EVI5L: variants seen among roughly 807,000 people sequenced by gnomAD.
EVI5L encodes ecotropic viral integration site 5 like.
EVI5L carries 30 observed loss-of-function variants against 106.1 expected under a neutral mutation model. The ratio of observed to expected loss-of-function variants is 0.28; its 90% CI spans 0.21 to 0.38. EVI5L has a LOEUF of 0.38. EVI5L is among the 10% of genes least tolerant of loss of function. The pLI is 1.00. For missense variants in EVI5L, 809 were observed against 1,098.0 expected, an observed-to-expected ratio of 0.74 and a Z score of 3.72; for synonymous variants, 489 against 483.3, an observed-to-expected ratio of 1.01 and a Z score of -0.15.
In EVI5L at chr19:7,857,001, C is replaced by A; in HGVS notation, c.1201-91C>A. ...TAGAGATAGTCCACTGCGTTAGTGA[C>A]AAGTGGTTCTTGTCTGTCTCCCCTC... On this transcript the variant is annotated intron_variant, in intron 11 of 19. Transcript: ENST00000538904. The surrounding 1 kb of genome is among the most constrained non-coding windows in gnomAD (Gnocchi z 4.5). 7.5e-7 allele frequency: 1 copy of A among 1,336,552 alleles called. No individual in the cohort carries two copies. Among genetic ancestry groups the A allele is most frequent in the Non-Finnish European group, 1.1e-6 (1 of 951,822 alleles). 82.8% of individuals were successfully genotyped at this position (1,336,552 alleles called of 1,614,324 possible). A position where few individuals can be genotyped will look rare whatever the true frequency, so the allele number is the denominator to read the frequency against.
chr19:7,844,331 CAAAAAAA>C (rs71179149), intron 1 of EVI5L, among the ~76,000 whole-genome samples: 2 of 132,444 alleles, frequency 1.5e-5, no homozygotes, highest in African/African-American at 2.9e-5. Flanking sequence ...GACTCCGTCT[CAAAAAAA>C]AAAAAAAAAA....
rs202079714 is a variant in EVI5L, at chr19:7,851,671, G to A, written c.898-10G>A. On this transcript the variant is annotated splice_polypyrimidine_tract_variant and intron_variant, in intron 7 of 19. Coordinates refer to ENST00000538904, the MANE Select transcript of EVI5L (RefSeq NM_001159944.3). ...CCCTCCACCTCCCACTGCCTTTGCC[G>A]CCTTTGCAGGGGCTGGAGATCGTGT... 183 of 1,584,184 alleles carry A rather than the reference G, an allele frequency of 1.2e-4. No homozygotes were observed. In the East Asian group the frequency reaches 2.4e-3, roughly 21 times the overall value.
intron 10 of EVI5L, among the ~76,000 whole-genome samples, chr19:7,854,201 G>A (rs1174121916): frequency 6.7e-6 from 1 of 148,680 alleles, no homozygotes; most frequent in Non-Finnish European, 1.5e-5. Context: ...AAAATCACTT[G>A]AACCCGGGAG....
chr19:7,852,567 T>C (rs1979307959), intron 8 of EVI5L, among the ~76,000 whole-genome samples: 1 of 151,976 alleles, frequency 6.6e-6, no homozygotes, highest in Middle Eastern at 3.2e-3. Context: ...TTTCTTTTTT[T>C]TTTTAAGTCG....
chr19:7,862,042 G>A (rs897250316), intron 15 of EVI5L, 24 bp downstream of exon 15: 5 of 1,538,866 alleles, frequency 3.2e-6, no homozygotes, highest in Non-Finnish European at 4.4e-6. Context: ...GGGCGCCGGC[G>A]GGCAGAGCGC....
At chr19:7,852,981 C>T (rs1449770206) in intron 8 of EVI5L, 105 bp from the exon 9 acceptor site, 12 of 1,075,254 alleles carry the variant, frequency 1.1e-5, no homozygotes, top group Admixed American at 3.8e-5. Flanking sequence ...GGCGACACCC[C>T]GGGCAGACCC....
intron 8 of EVI5L, chr19:7,852,657 T>C: frequency 4.9e-6 from 1 of 205,164 alleles, no homozygotes; most frequent in Non-Finnish European, 9.9e-6. Flanking sequence ...GCTGAAGCGA[T>C]CCTCCCGCCT....
At chr19:7,842,540 TATC>T (rs2146417577) in intron 1 of EVI5L, among the ~76,000 whole-genome samples, 1 of 149,038 alleles carries the variant, frequency 6.7e-6, no homozygotes, top group East Asian at 2.0e-4. Flanking sequence ...AATTGGGGTG[TATC>T]AAGTGTGTGT....
At chr19:7,843,393 A>ATGTGTGTG (rs1359158689) in intron 1 of EVI5L, among the ~76,000 whole-genome samples, 9 of 15,468 alleles carry the variant, frequency 5.8e-4, no homozygotes, top group South Asian at 3.5e-3. Context: ...GAGTGTGTGC[A>ATGTGTGTG]TAGGTGTGTG....
chr19:7,855,866 G>A (rs777246483), intron 10 of EVI5L, 149 bp from the exon 11 acceptor site: 4 of 560,618 alleles, frequency 7.1e-6, no homozygotes, highest in South Asian at 9.2e-5. Context: ...TTCTGAAATC[G>A]CTGACCCAGA....
At chr19:7,855,793 A>G (rs1405379047) in intron 10 of EVI5L, among the ~76,000 whole-genome samples, 1 of 152,198 alleles carries the variant, frequency 6.6e-6, no homozygotes, top group African/African-American at 2.4e-5. Context: ...TACTGAACCC[A>G]GGTTTGTTTT....
chr19:7,833,155 G>A (rs996096341), intron 1 of EVI5L, among the ~76,000 whole-genome samples: 7 of 152,218 alleles, frequency 4.6e-5, no homozygotes, highest in Admixed American at 4.6e-4. Context: ...CTTTGTTTGA[G>A]CTTTGAGGGG....
chr19:7,830,806 C>A (rs1178369451), intron 1 of EVI5L, among the ~76,000 whole-genome samples: 1 of 145,442 alleles, frequency 6.9e-6, no homozygotes, highest in Admixed American at 6.8e-5. Flanking sequence ...AGGACCCCTC[C>A]CTTCTGGACA....
intron 17 of EVI5L, 43 bp downstream of exon 17, chr19:7,862,577 C>T: frequency 1.5e-6 from 2 of 1,372,086 alleles, no homozygotes; most frequent in East Asian, 3.0e-5. Flanking sequence ...GCACCGCCCC[C>T]GGACGCGCCC....
rs1599567592 is a variant in EVI5L at position 7,846,689 on chromosome 19, G to A, written c.137+10G>A. 49 of 1,609,998 alleles carry A rather than the reference G, an allele frequency of 3.0e-5. No individual in the cohort carries two copies. The East Asian group carries it at 1.1e-3, about 35-fold the overall frequency. On this transcript the variant is annotated intron_variant, in intron 2 of 19. Transcript: ENST00000538904. ...TCGAAGAGCAGAACCGGTGAGTTGGGGGCTGGGGGATGGGGTGAAATCTTG... is the reference window on the plus strand; with the variant it reads ...TCGAAGAGCAGAACCGGTGAGTTGGAGGCTGGGGGATGGGGTGAAATCTTG...
At chr19:7,860,189 C>T (rs1220643610) in intron 13 of EVI5L, among the ~76,000 whole-genome samples, 2 of 152,208 alleles carry the variant, frequency 1.3e-5, no homozygotes, top group Non-Finnish European at 2.9e-5. Context: ...AGGCCTCTCC[C>T]CCACCCCCTG....
chr19:7,856,007 C>T lies in EVI5L; in HGVS notation c.1147-8C>T, dbSNP rs913308325. 1 of 1,326,406 alleles carries T rather than the reference C, an allele frequency of 7.5e-7. No individual in the cohort carries two copies. The highest frequency in any genetic ancestry group is 9.7e-7 in the Non-Finnish European group (1 of 1,028,506). 82.2% of individuals were successfully genotyped at this position (1,326,406 alleles called of 1,614,324 possible). On this transcript the variant is annotated splice_polypyrimidine_tract_variant and splice_region_variant and intron_variant, in intron 10 of 19. Coordinates refer to ENST00000538904, the MANE Select transcript of EVI5L (RefSeq NM_001159944.3). The surrounding 1 kb of genome is among the most constrained non-coding windows in gnomAD (Gnocchi z 6.6). ...GGGCTATGACGTGATCTCCCCCCAC[C>T]CCCATAGAGACTTCGGACGGAGAAC... is the stretch of plus-strand genomic sequence containing the variant.
intron 10 of EVI5L, among the ~76,000 whole-genome samples, chr19:7,854,274 T>A: frequency 1.5e-5 from 2 of 132,460 alleles, no homozygotes. Flanking sequence ...AGAGTGAGAC[T>A]GTGTCTCAAA....
chr19:7,843,826 G>A (rs10432320), intron 1 of EVI5L, among the ~76,000 whole-genome samples: 53,683 of 151,874 alleles, frequency 0.35, 10,278 homozygotes, highest in South Asian at 0.65. Flanking sequence ...GTGCATGTGT[G>A]TTGTGCGTGC....
Sources: allele counts gnomAD v4.1 joint callset (sites outside exome capture counted in the v4.1 genomes callset), GRCh38; gene constraint gnomAD v4.1.1; non-coding constraint Gnocchi (gnomAD v3.1); transcripts MANE v1.5; gene names NCBI Gene and HGNC (gene_info 2026-07-23, HGNC 2026-07-21).